The following HSD17B12 variants were observed in gnomAD, a reference collection of about 807,000 sequenced individuals.
The protein encoded by HSD17B12 is very-long-chain 3-oxoacyl-CoA reductase.
HSD17B12 carries 32 observed loss-of-function variants against 39.3 expected under a neutral mutation model. The observed-to-expected ratio is 0.81, with a 90% CI of 0.61 to 1.09. The LOEUF (loss-of-function observed/expected upper bound fraction) is 1.09, where lower values mean the gene tolerates loss of function less well. Ranked by LOEUF, HSD17B12 falls within the 50% of genes least tolerant of loss-of-function variation. HSD17B12 has a pLI of 0.00. For synonymous variants in HSD17B12, 150 were observed against 146.7 expected (o/e 1.02, Z -0.16); for missense variants, 342 against 382.9 (o/e 0.89, Z 0.89).
At chr11:43,806,715 G>T (rs1951021658) in intron 4 of HSD17B12, among the ~76,000 whole-genome samples, 1 of 152,150 alleles carries the variant, frequency 6.6e-6, no homozygotes, top group Non-Finnish European at 1.5e-5. Context: ...ATAAAGAGAG[G>T]TTTATTAATG....
chr11:43,665,507 C>G, the HSD17B12 span, among the ~76,000 whole-genome samples: 1 of 152,136 alleles, frequency 6.6e-6, no homozygotes, highest in Non-Finnish European at 1.5e-5. Flanking sequence ...GAGTGAGCCA[C>G]CATGCCTGGT....
At position 43,831,912 on chromosome 11, in the gene HSD17B12, TAGTA is replaced by T; in HGVS notation, c.536+906_536+909del. On this transcript the variant is annotated intron_variant, in intron 7 of 10. Transcript: ENST00000278353. This position sits in a 1 kb window ranked among gnomAD's most constrained non-coding sequence, Gnocchi z 4.1. The stretch of plus-strand genomic sequence containing the variant: ...GAGTATATAGTAAGTGCCAGGAACT[TAGTA>T]AGTGTTAACTCATTTAACTTTGATA... Among the ~76,000 whole-genome samples the T allele has an allele frequency of 6.6e-6, 1 of 152,184 alleles. No individual in the cohort carries two copies. The highest frequency in any genetic ancestry group is 6.5e-5 in the Admixed American group (1 of 15,274).
intron 9 of HSD17B12, among the ~76,000 whole-genome samples, chr11:43,843,054 T>C (rs1267823127): frequency 6.6e-6 from 1 of 152,222 alleles, no homozygotes; most frequent in Non-Finnish European, 1.5e-5. Flanking sequence ...AAACTTTTGT[T>C]TTTCCCTAAT....
At chr11:43,745,529 A>G (rs1464816155) in intron 1 of HSD17B12, among the ~76,000 whole-genome samples, 1 of 152,160 alleles carries the variant, frequency 6.6e-6, no homozygotes, top group Non-Finnish European at 1.5e-5. Flanking sequence ...TGTTGTACAA[A>G]CATCAACAGC....
chr11:43,586,068 C>T, the HSD17B12 span, among the ~76,000 whole-genome samples: 1 of 152,184 alleles, frequency 6.6e-6, no homozygotes, highest in Non-Finnish European at 1.5e-5. Context: ...AGCTGGGGCT[C>T]AACCCCAAGT....
chr11:43,657,382 G>T, the HSD17B12 span, among the ~76,000 whole-genome samples: 1 of 152,136 alleles, frequency 6.6e-6, no homozygotes, highest in African/African-American at 2.4e-5. Context: ...CTTTTAATTG[G>T]AGCATTTAGC....
chr11:43,657,071 G>A, the HSD17B12 span, among the ~76,000 whole-genome samples: 1 of 152,170 alleles, frequency 6.6e-6, no homozygotes, highest in African/African-American at 2.4e-5. Flanking sequence ...CTTGCTTTAT[G>A]AATCTGGATG....
At chr11:43,743,041 A>T (rs1950383321) in intron 1 of HSD17B12, among the ~76,000 whole-genome samples, 1 of 152,190 alleles carries the variant, frequency 6.6e-6, no homozygotes, top group African/African-American at 2.4e-5. Flanking sequence ...GGACCATTGT[A>T]TTCTCGATAG....
chr11:43,611,360 C>T, the HSD17B12 span, among the ~76,000 whole-genome samples: 39 of 152,286 alleles, frequency 2.6e-4, no homozygotes, highest in African/African-American at 8.7e-4. Context: ...GTAAATTTTA[C>T]CCATCCTTCT....
At chr11:43,788,301 A>G (rs896512121) in intron 3 of HSD17B12, among the ~76,000 whole-genome samples, 4 of 152,164 alleles carry the variant, frequency 2.6e-5, no homozygotes, top group African/African-American at 7.2e-5. Flanking sequence ...TAACAGAGAG[A>G]CACATTTCAT....
the HSD17B12 span, among the ~76,000 whole-genome samples, chr11:43,559,437 A>G: frequency 1.3e-5 from 2 of 152,176 alleles, no homozygotes; most frequent in Non-Finnish European, 2.9e-5. Context: ...CTCAGGTTCT[A>G]CCAGGTGCCC....
chr11:43,777,250 C>T (rs535764838), intron 3 of HSD17B12, among the ~76,000 whole-genome samples: 15 of 152,272 alleles, frequency 9.9e-5, no homozygotes, highest in African/African-American at 3.6e-4. Context: ...ATGGAATGTT[C>T]TTCCATTTGT....
In HSD17B12 at chr11:43,782,635, A is replaced by G. The variant is rs572775512; in HGVS notation, c.284-15685A>G. Among the ~76,000 whole-genome samples, 22 of 151,118 alleles carry G rather than the reference A, an allele frequency of 1.5e-4. No individual in the cohort carries two copies. In the East Asian group the frequency reaches 4.1e-3, roughly 28 times the overall value. ...GGTTGCAGTGAGCCAAGATTGCGCC[A>G]CTGCACTCCAGCCTGGGTGGCAGAG... On this transcript the variant is annotated intron_variant, in intron 3 of 10. Coordinates refer to ENST00000278353, the MANE Select transcript of HSD17B12 (RefSeq NM_016142.3).
the HSD17B12 span, among the ~76,000 whole-genome samples, chr11:43,651,932 C>A: frequency 1.2e-4 from 18 of 152,144 alleles, no homozygotes; most frequent in Non-Finnish European, 2.2e-4. Context: ...ATACATATAA[C>A]AAATATGTGT....
chr11:43,696,953 T>C (rs1373159584), intron 1 of HSD17B12, among the ~76,000 whole-genome samples: 2 of 150,930 alleles, frequency 1.3e-5, no homozygotes, highest in African/African-American at 4.9e-5. Flanking sequence ...TAAGTGAGAG[T>C]TGAACAATGA....
the HSD17B12 span, chr11:43,640,949 T>A: frequency 6.6e-6 from 1 of 151,848 alleles, no homozygotes; most frequent in African/African-American, 2.4e-5. Context: ...TTTATTTCTA[T>A]AGGAAAATAG....
At chr11:43,786,225 A>C (rs550314596) in intron 3 of HSD17B12, among the ~76,000 whole-genome samples, 84 of 152,340 alleles carry the variant, frequency 5.5e-4, no homozygotes, top group African/African-American at 1.9e-3. Context: ...TTTCCTCAAG[A>C]CAGCCATTGT....
At chr11:43,560,940 G>A in the HSD17B12 span, among the ~76,000 whole-genome samples, 2 of 152,064 alleles carry the variant, frequency 1.3e-5, no homozygotes, top group Non-Finnish European at 2.9e-5. Flanking sequence ...AAACTTGAAC[G>A]GCCTCCATTT....
At chr11:43,757,607 T>C (rs1370406464) in intron 3 of HSD17B12, among the ~76,000 whole-genome samples, 1 of 108,104 alleles carries the variant, frequency 9.3e-6, no homozygotes, top group East Asian at 2.8e-4. Context: ...CAGTCCGCAG[T>C]CCGGCCTGGG....
Sources: allele counts gnomAD v4.1 joint callset (sites outside exome capture counted in the v4.1 genomes callset), GRCh38; gene constraint gnomAD v4.1.1; non-coding constraint Gnocchi (gnomAD v3.1); transcripts MANE v1.5; gene names NCBI Gene and HGNC (gene_info 2026-07-23, HGNC 2026-07-21).